Variants in FAM120A observed in about 807,000 individuals in gnomAD.
FAM120A encodes the protein family with sequence similarity 120 member A.
Under a neutral mutation model 109.7 loss-of-function variants are expected in FAM120A, and 15 were observed. The observed-to-expected ratio is 0.14, with a 90% CI of 0.09 to 0.21. FAM120A has a LOEUF of 0.21. Among genes scored for constraint, FAM120A ranks in the 10% least tolerant of loss-of-function variants. The pLI, the probability that FAM120A is intolerant of heterozygous loss-of-function variation, is 1.00. For synonymous variants in FAM120A, 493 were observed against 572.8 expected, an observed-to-expected ratio of 0.86 and a Z score of 1.99; for missense variants, 899 against 1,439.3, an observed-to-expected ratio of 0.62 and a Z score of 6.07.
At chr9:93,513,672 A>G (rs1167099770) in intron 5 of FAM120A, among the ~76,000 whole-genome samples, 1 of 152,190 alleles carries the variant, frequency 6.6e-6, no homozygotes, top group East Asian at 1.9e-4. Flanking sequence ...CTTGGAAGGC[A>G]GGAACCTCAG....
chr9:93,472,840 A>G (rs1223624670), intron 2 of FAM120A, among the ~76,000 whole-genome samples: 3 of 152,208 alleles, frequency 2.0e-5, no homozygotes, highest in Non-Finnish European at 4.4e-5. Context: ...AATCGGTCTC[A>G]AAGGAGAGTA....
In FAM120A at chr9:93,558,635, G is replaced by A. The variant is rs199743350; in HGVS notation, c.2723G>A (p.Arg908His). 24 of 1,614,192 alleles carry A rather than the reference G, an allele frequency of 1.5e-5. No individual in the cohort carries two copies. Among genetic ancestry groups the A allele is most frequent in the Admixed American group, 5.0e-5 (3 of 60,030 alleles). Residue 908 changes from arginine to histidine, a missense_variant, in exon 15 of 18, where the codon CGT becomes CAT. This residue lies in a region of FAM120A where 129 missense variants were observed against 153.4 expected (regional missense o/e 0.84). Transcript: ENST00000277165. Reference protein sequence around the residue: ...YGETVATGPYRAFRVAAASGH... With the variant: ...YGETVATGPYHAFRVAAASGH... ...GAAACGGTAGCAACAGGCCCTTACCGTGCCTTCCGTGTGGCGGCAGCATCG... is the reference window on the plus strand; with the variant it reads ...GAAACGGTAGCAACAGGCCCTTACCATGCCTTCCGTGTGGCGGCAGCATCG...
chr9:93,527,837 A>T (rs1861155721), intron 8 of FAM120A, among the ~76,000 whole-genome samples: 2 of 151,954 alleles, frequency 1.3e-5, no homozygotes, highest in South Asian at 4.2e-4. Flanking sequence ...TGGCCAGGCT[A>T]GTCTCGAACC....
chr9:93,459,606 T>C (rs375766888), intron 1 of FAM120A, among the ~76,000 whole-genome samples: 49 of 152,326 alleles, frequency 3.2e-4, no homozygotes, highest in African/African-American at 1.1e-3. Context: ...ATCCTTTTTT[T>C]CTTGTTTGGA....
rs1861352279 is a variant in FAM120A at position 93,532,113 on chromosome 9, A to T, written c.1735-42A>T. On this transcript the variant is annotated intron_variant, in intron 9 of 17. Coordinates refer to ENST00000277165, the MANE Select transcript of FAM120A (RefSeq NM_014612.5). The surrounding 1 kb of genome is among the most constrained non-coding windows in gnomAD (Gnocchi z 4.3). ...TCTGTGAGTGTATTGTAAATTCAAC[A>T]TGAAAAATGTGCAATGTTATTCTGC... is the stretch of plus-strand genomic sequence containing the variant. 2 of 1,578,280 alleles carry T rather than the reference A, an allele frequency of 1.3e-6. No individual in the cohort carries two copies. The highest frequency in any genetic ancestry group is 1.7e-4 in the Middle Eastern group (1 of 5,950).
rs889417210 is a variant in FAM120A, at chr9:93,565,587, A to G, written c.*1047A>G. ...AATTATCTAGCCGTTTCGAATATCA[A>G]CATTACCCTGGTGTATTCACTGCTG... is the stretch of plus-strand genomic sequence containing the variant. On this transcript the variant is annotated 3_prime_UTR_variant, in exon 18 of 18. Transcript: ENST00000277165. 1 of 152,222 alleles carries G rather than the reference A, an allele frequency of 6.6e-6. No individual in the cohort carries two copies. Among genetic ancestry groups the G allele is most frequent in the African/African-American group, 2.4e-5 (1 of 41,354 alleles). The allele number at this position is 152,222 out of a possible 1,614,324, so 9.4% of individuals were successfully genotyped here. A position where few individuals can be genotyped will look rare whatever the true frequency, so the allele number is the denominator to read the frequency against.
chr9:93,504,674 A>G (rs1254822420), intron 5 of FAM120A, among the ~76,000 whole-genome samples: 1 of 152,138 alleles, frequency 6.6e-6, no homozygotes, highest in African/African-American at 2.4e-5. Context: ...GTATTAATAT[A>G]TATTTGTCCA....
At chr9:93,455,936 C>T (rs967442492) in intron 1 of FAM120A, among the ~76,000 whole-genome samples, 5 of 152,190 alleles carry the variant, frequency 3.3e-5, no homozygotes, top group Admixed American at 1.3e-4. Context: ...GCTGGGATTA[C>T]GGGCGTGAGC....
At chr9:93,499,020 A>G (rs1303426618) in intron 5 of FAM120A, 134 bp downstream of exon 5, 22 of 676,936 alleles carry the variant, frequency 3.2e-5, no homozygotes, top group South Asian at 5.1e-5. Flanking sequence ...AGTATAGCCA[A>G]ACTTCCTGGG....
chr9:93,475,073 G>A (rs1480746455), intron 2 of FAM120A, among the ~76,000 whole-genome samples: 2 of 152,162 alleles, frequency 1.3e-5, no homozygotes, highest in Non-Finnish European at 2.9e-5. Flanking sequence ...TATCTGAAAT[G>A]CTTAGGACCA....
chr9:93,546,549 C>G, intron 11 of FAM120A, among the ~76,000 whole-genome samples: 1 of 152,322 alleles, frequency 6.6e-6, no homozygotes, highest in Middle Eastern at 3.4e-3. Context: ...CTGAGATGCA[C>G]GGACAGGGAA....
At chr9:93,504,381 T>C (rs1163775197) in intron 5 of FAM120A, among the ~76,000 whole-genome samples, 3 of 152,200 alleles carry the variant, frequency 2.0e-5, no homozygotes, top group Non-Finnish European at 4.4e-5. Flanking sequence ...CATACTACAA[T>C]GTGTTAGTCT....
intron 5 of FAM120A, among the ~76,000 whole-genome samples, chr9:93,506,691 G>A (rs1860075288): frequency 6.6e-6 from 1 of 151,856 alleles, no homozygotes; most frequent in African/African-American, 2.4e-5. Flanking sequence ...TCCACCTCCT[G>A]GGTTCAAGCA....
chr9:93,487,436 A>T (rs1419670952), intron 3 of FAM120A, among the ~76,000 whole-genome samples: 1 of 152,222 alleles, frequency 6.6e-6, no homozygotes, highest in Non-Finnish European at 1.5e-5. Flanking sequence ...TGCTGGGATT[A>T]TGGGCATGAG....
chr9:93,467,181 A>G (rs1369136776), intron 1 of FAM120A, among the ~76,000 whole-genome samples: 1 of 148,892 alleles, frequency 6.7e-6, no homozygotes, highest in Non-Finnish European at 1.5e-5. Context: ...TACCACCCCT[A>G]GGCAATCGAC....
rs1564327770 is a variant in FAM120A at position 93,497,560 on chromosome 9, C to T, written c.894C>T (p.Asp298=). 2.5e-6 allele frequency: 4 copies of T among 1,610,580 alleles called. No individual in the cohort carries two copies. The highest frequency in any genetic ancestry group is 3.4e-6 in the Non-Finnish European group (4 of 1,178,964). The change falls in exon 4 of 18, where the codon GAC becomes GAT. Residue 298 remains aspartate, a synonymous_variant. Coordinates refer to ENST00000277165, the MANE Select transcript of FAM120A (RefSeq NM_014612.5). ...DYVRNIQDTS[D]LDAIAKDVFQ... ...TACGCAACATTCAGGACACCTCTGA[C>T]TTGGATGCCATAGCTAAAGATGTTT... is the stretch of plus-strand genomic sequence containing the variant.
intron 10 of FAM120A, among the ~76,000 whole-genome samples, chr9:93,541,312 G>A (rs1424554993): frequency 6.6e-6 from 1 of 152,096 alleles, no homozygotes; most frequent in East Asian, 1.9e-4. Context: ...AAGGCAGGTC[G>A]GCTCACAGGA....
chr9:93,467,231 G>T, intron 1 of FAM120A, among the ~76,000 whole-genome samples: 1 of 131,442 alleles, frequency 7.6e-6, no homozygotes, highest in Non-Finnish European at 1.6e-5. Context: ...GATTTTCTTT[G>T]CCAGATCTGC....
rs978940423 is a variant in FAM120A, at chr9:93,561,206, G to C, written c.2904G>C (p.Gly968=). 4 of 1,613,346 alleles carry C rather than the reference G, an allele frequency of 2.5e-6. No individual in the cohort carries two copies. Among genetic ancestry groups the C allele is most frequent in the Non-Finnish European group, 2.5e-6 (3 of 1,179,846 alleles). Residue 968 remains glycine (G), a synonymous_variant, in exon 16 of 18, where the codon GGG becomes GGC. Coordinates refer to ENST00000277165, the MANE Select transcript of FAM120A (RefSeq NM_014612.5). ...AGSRRGRGGR[G]PFPLQVVSVG... ...GCAGGCGGGGCCGTGGGGGCCGGGGGCCTTTCCCCCTGCAGGTGGTTTCTG... is the reference window on the plus strand; with the variant it reads ...GCAGGCGGGGCCGTGGGGGCCGGGGCCCTTTCCCCCTGCAGGTGGTTTCTG...
Sources: allele counts gnomAD v4.1 joint callset (sites outside exome capture counted in the v4.1 genomes callset), GRCh38; gene constraint gnomAD v4.1.1; regional missense constraint gnomAD v4.1.1; non-coding constraint Gnocchi (gnomAD v3.1); transcripts MANE v1.5; gene names NCBI Gene and HGNC (gene_info 2026-07-23, HGNC 2026-07-21).